ST6GALNAC3: variants seen among roughly 807,000 people sequenced by gnomAD.
ST6GALNAC3 encodes the protein ST6 N-acetylgalactosaminide alpha-2,6-sialyltransferase 3, also known as alpha-N-acetylgalactosaminide alpha-2,6-sialyltransferase 3.
In ST6GALNAC3, 25 loss-of-function variants were observed where a neutral mutation model predicts 32.7. The ratio of observed to expected loss-of-function variants is 0.76; its 90% CI spans 0.56 to 1.07. The LOEUF (loss-of-function observed/expected upper bound fraction) is 1.07. ST6GALNAC3 is among the 50% of genes least tolerant of loss of function. The pLI, the probability that ST6GALNAC3 is intolerant of heterozygous loss-of-function variation, is 0.00. For synonymous variants in ST6GALNAC3, 129 were observed against 133.1 expected, an observed-to-expected ratio of 0.97 and a Z score of 0.21; for missense variants, 355 against 382.4, an observed-to-expected ratio of 0.93 and a Z score of 0.60.
At chr1:76,355,868 C>T (rs1368903681) in intron 2 of ST6GALNAC3, among the ~76,000 whole-genome samples, 1 of 152,166 alleles carries the variant, frequency 6.6e-6, no homozygotes, top group Non-Finnish European at 1.5e-5. Context: ...CTGTCTCTGT[C>T]TCGCTTTCCC....
chr1:76,253,505 C>T (rs1485508966), intron 1 of ST6GALNAC3, among the ~76,000 whole-genome samples: 1 of 152,134 alleles, frequency 6.6e-6, no homozygotes, highest in Non-Finnish European at 1.5e-5. Context: ...TATGTCAACA[C>T]ACCCCATCCC....
intron 1 of ST6GALNAC3, among the ~76,000 whole-genome samples, chr1:76,226,031 G>T (rs1198510929): frequency 6.6e-6 from 1 of 152,130 alleles, no homozygotes; most frequent in Non-Finnish European, 1.5e-5. Flanking sequence ...CATAACTGAT[G>T]ACTTTATTGG....
At chr1:76,303,711 G>C (rs1320200297) in intron 1 of ST6GALNAC3, among the ~76,000 whole-genome samples, 1 of 152,004 alleles carries the variant, frequency 6.6e-6, no homozygotes, top group African/African-American at 2.4e-5. Flanking sequence ...TCAGACAAGA[G>C]TTGATTATCT....
intron 2 of ST6GALNAC3, among the ~76,000 whole-genome samples, chr1:76,316,352 T>G (rs1274441359): frequency 6.6e-6 from 1 of 152,114 alleles, no homozygotes; most frequent in Non-Finnish European, 1.5e-5. Flanking sequence ...GCAGCATTTT[T>G]CCTAGTAGCC....
At chr1:76,432,799 G>A (rs895117098) in intron 3 of ST6GALNAC3, among the ~76,000 whole-genome samples, 2 of 151,910 alleles carry the variant, frequency 1.3e-5, no homozygotes, top group African/African-American at 2.4e-5. Context: ...TTACCTTTTG[G>A]GAGTTATAGA....
intron 3 of ST6GALNAC3, among the ~76,000 whole-genome samples, chr1:76,528,981 T>C (rs142574534): frequency 2.0e-5 from 3 of 151,674 alleles, no homozygotes; most frequent in African/African-American, 7.3e-5. Flanking sequence ...GCCAATATCA[T>C]GAACACTGAC....
At chr1:76,482,422 A>G (rs1430271468) in intron 3 of ST6GALNAC3, among the ~76,000 whole-genome samples, 2 of 152,208 alleles carry the variant, frequency 1.3e-5, no homozygotes, top group Non-Finnish European at 2.9e-5. Flanking sequence ...TAAGTACAAC[A>G]AAGTGTGTAA....
intron 1 of ST6GALNAC3, among the ~76,000 whole-genome samples, chr1:76,281,263 TAGA>T (rs1659485326): frequency 6.6e-6 from 1 of 152,212 alleles, no homozygotes; most frequent in Admixed American, 6.5e-5. Flanking sequence ...TTTTCTCTCT[TAGA>T]AGGCCTGAGG....
At chr1:76,165,063 T>C (rs957615171) in intron 1 of ST6GALNAC3, among the ~76,000 whole-genome samples, 7 of 152,130 alleles carry the variant, frequency 4.6e-5, no homozygotes, top group Non-Finnish European at 8.8e-5. Context: ...AGCCTAGTAT[T>C]ATATAGGTAA....
intron 3 of ST6GALNAC3, among the ~76,000 whole-genome samples, chr1:76,505,945 T>C (rs769306003): frequency 6.6e-6 from 1 of 151,832 alleles, no homozygotes; most frequent in African/African-American, 2.4e-5. Flanking sequence ...CCTTCTTATT[T>C]AACTGCAGAG....
At chr1:76,514,780 A>G (rs892096312) in intron 3 of ST6GALNAC3, among the ~76,000 whole-genome samples, 1 of 152,154 alleles carries the variant, frequency 6.6e-6, no homozygotes, top group African/African-American at 2.4e-5. Context: ...TTCTCTTATT[A>G]CAACACCAAA....
intron 1 of ST6GALNAC3, among the ~76,000 whole-genome samples, chr1:76,144,573 C>T (rs776731470): frequency 7.2e-5 from 11 of 152,290 alleles, no homozygotes; most frequent in East Asian, 3.9e-4. Context: ...GAAAACAACA[C>T]GGAAGGATTC....
Position 76,286,480 on chromosome 1 carries a change from G to A in ST6GALNAC3, c.19-27325G>A, listed in dbSNP as rs75374983. Among the ~76,000 whole-genome samples, 651 of 152,270 alleles carry A rather than the reference G, an allele frequency of 4.3e-3. 6 individuals carry two copies. The highest frequency in any genetic ancestry group is 0.015 in the African/African-American group (631 of 41,548). On this transcript the variant is annotated intron_variant, in intron 1 of 4. Transcript: ENST00000328299. Reference sequence around the variant, plus strand: ...TTCTAAACAGCAAACTACATCGGACGCCAGTCTCCTATAAATGCTAGAGAG... The same window carrying A: ...TTCTAAACAGCAAACTACATCGGACACCAGTCTCCTATAAATGCTAGAGAG...
chr1:76,531,783 G>A (rs560283674), intron 3 of ST6GALNAC3, among the ~76,000 whole-genome samples: 18 of 152,232 alleles, frequency 1.2e-4, no homozygotes, highest in African/African-American at 3.6e-4. Flanking sequence ...CATGACGTGG[G>A]AGGTCAAAGG....
In ST6GALNAC3 at chr1:76,470,829, C is replaced by T. The variant is rs111382793; in HGVS notation, c.623+58412C>T. On this transcript the variant is annotated intron_variant, in intron 3 of 4. Coordinates refer to ENST00000328299, the MANE Select transcript of ST6GALNAC3 (RefSeq NM_152996.4). ...CACATAAACTGGGTTGAGCACAGGG[C>T]GGGAATTCTTATGCTGAGGTGATTT... 3.5e-3 allele frequency among the ~76,000 whole-genome samples: 525 copies of T among 152,072 alleles called. 3 individuals carry two copies. The highest frequency in any genetic ancestry group is 0.011 in the African/African-American group (446 of 41,512).
intron 3 of ST6GALNAC3, among the ~76,000 whole-genome samples, chr1:76,492,834 G>T (rs1021072997): frequency 1.3e-5 from 2 of 152,054 alleles, no homozygotes; most frequent in African/African-American, 4.8e-5. Context: ...CTATTGCAGG[G>T]TACTACTGGT....
At chr1:76,226,022 A>T (rs1459531358) in intron 1 of ST6GALNAC3, among the ~76,000 whole-genome samples, 1 of 152,188 alleles carries the variant, frequency 6.6e-6, no homozygotes, top group Non-Finnish European at 1.5e-5. Context: ...GTATGAAAGC[A>T]TAACTGATGA....
At chr1:76,429,007 C>A (rs1022139939) in intron 3 of ST6GALNAC3, among the ~76,000 whole-genome samples, 5 of 149,844 alleles carry the variant, frequency 3.3e-5, no homozygotes, top group Non-Finnish European at 7.4e-5. Context: ...TGAGTCTTTA[C>A]TAAGGGTAGC....
chr1:76,147,488 C>T (rs1650762939), intron 1 of ST6GALNAC3, among the ~76,000 whole-genome samples: 1 of 152,220 alleles, frequency 6.6e-6, no homozygotes, highest in South Asian at 2.1e-4. Context: ...AACCAACTTG[C>T]AATCAATCTT....
Sources: allele counts gnomAD v4.1 joint callset (sites outside exome capture counted in the v4.1 genomes callset), GRCh38; gene constraint gnomAD v4.1.1; transcripts MANE v1.5; gene names NCBI Gene and HGNC (gene_info 2026-07-23, HGNC 2026-07-21).